Variants in ZC3H14 observed in about 807,000 individuals in gnomAD.
The protein encoded by ZC3H14 is zinc finger CCCH domain-containing protein 14.
In ZC3H14, 31 loss-of-function variants were observed where a neutral mutation model predicts 92.4. The ratio of observed to expected loss-of-function variants is 0.34; its 90% CI spans 0.25 to 0.45. The LOEUF (loss-of-function observed/expected upper bound fraction) is 0.45. Among genes scored for constraint, ZC3H14 ranks in the 20% least tolerant of loss-of-function variants. The pLI is 1.00. For synonymous variants in ZC3H14, 321 were observed against 300.9 expected (o/e 1.07, Z -0.69); for missense variants, 781 against 897.3 (o/e 0.87, Z 1.66).
intron 9 of ZC3H14, chr14:88,586,814 G>A (rs1402289125): frequency 1.3e-5 from 2 of 152,038 alleles, no homozygotes; most frequent in Non-Finnish European, 2.9e-5. Context: ...TAATCAAATA[G>A]TATAAAAAAG....
intron 15 of ZC3H14, 22 bp downstream of exon 15, chr14:88,609,825 A>C (rs2086247810): frequency 1.2e-6 from 2 of 1,608,582 alleles, no homozygotes; most frequent in Non-Finnish European, 1.7e-6. Context: ...TATTTTCTCA[A>C]ATCAATTTAG....
rs1477800852 is a variant in ZC3H14, at chr14:88,613,305, T to C, written c.*1554T>C. ...GGTTTACTCCATTGAATTTAAGGCA[T>C]TTGTTCATTCCAGTGTTGAGATGCT... On this transcript the variant is annotated 3_prime_UTR_variant, in exon 17 of 17. Transcript: ENST00000251038. The C allele has an allele frequency of 1.3e-5, 2 of 152,174 alleles. No individual in the cohort carries two copies. The highest frequency in any genetic ancestry group is 2.9e-5 in the Non-Finnish European group (2 of 68,030). The allele number at this position is 152,174 out of a possible 1,614,324, so 9.4% of individuals were successfully genotyped here.
Position 88,612,126 on chromosome 14 carries a change from G to A in ZC3H14, c.*375G>A, listed in dbSNP as rs2086880136. ...GTTGCTGTGTGAGTGGAGAGATGCA[G>A]TGAGGCAGTTGTCATTATTCTAAAA... is the stretch of plus-strand genomic sequence containing the variant. On this transcript the variant is annotated 3_prime_UTR_variant, in exon 17 of 17. Transcript: ENST00000251038. 9.2e-6 allele frequency: 2 copies of A among 216,978 alleles called. No homozygotes were observed. The highest frequency in any genetic ancestry group is 1.1e-4 in the Admixed American group (2 of 18,864). The allele number at this position is 216,978 out of a possible 1,614,324, so 13.4% of individuals were successfully genotyped here. A position where few individuals can be genotyped will look rare whatever the true frequency, so the allele number is the denominator to read the frequency against.
chr14:88,610,713 A>G, intron 15 of ZC3H14, 121 bp from the exon 16 acceptor site: 2 of 925,366 alleles, frequency 2.2e-6, no homozygotes, highest in African/African-American at 1.6e-5. Context: ...CTGAGGCAAG[A>G]GGTCATGCCA....
chr14:88,588,310 C>T (rs909941364), intron 9 of ZC3H14, among the ~76,000 whole-genome samples: 1 of 152,064 alleles, frequency 6.6e-6, no homozygotes, highest in Admixed American at 6.5e-5. Context: ...TGCATTTCTC[C>T]GTTTTGTAAT....
intron 13 of ZC3H14, among the ~76,000 whole-genome samples, chr14:88,607,615 T>TCC (rs2085679768): frequency 1.3e-5 from 1 of 77,940 alleles, no homozygotes; most frequent in Non-Finnish European, 2.5e-5. Flanking sequence ...GTAACTACCA[T>TCC]CCCATCTCAC....
intron 9 of ZC3H14, chr14:88,594,698 A>G: frequency 6.2e-7 from 1 of 1,613,700 alleles, no homozygotes; most frequent in Non-Finnish European, 8.5e-7. Context: ...GAATTTTATG[A>G]AAATGTCTTT....
At position 88,615,762 on chromosome 14, in the gene ZC3H14, TTTC is replaced by T; in HGVS notation, c.*4016_*4018del. On this transcript the variant is annotated 3_prime_UTR_variant, in exon 17 of 17. Coordinates refer to ENST00000251038, the MANE Select transcript of ZC3H14 (RefSeq NM_024824.5). ...GACCATGCAGGGTTGGGTTTTGGTTTTTCTTCTCTGTAATTCTGGTCTCAAAGT... is the reference window on the plus strand; with the variant it reads ...GACCATGCAGGGTTGGGTTTTGGTTTTTCTCTGTAATTCTGGTCTCAAAGT... 1 of 1,575,622 alleles carries T rather than the reference TTTC, an allele frequency of 6.3e-7. No individual in the cohort carries two copies. The highest frequency in any genetic ancestry group is 1.2e-5 in the South Asian group (1 of 84,908).
intron 13 of ZC3H14, 52 bp from the exon 14 acceptor site, chr14:88,609,212 CTAA>C: frequency 6.2e-7 from 1 of 1,609,918 alleles, no homozygotes; most frequent in South Asian, 1.1e-5. Flanking sequence ...ATACACAGAA[CTAA>C]TAATGCATTG....
rs752502074 is a variant in ZC3H14 at position 88,610,955 on chromosome 14, TC to T, written c.2204+16del. 6.4e-7 allele frequency: 1 copy of T among 1,568,826 alleles called. No homozygotes were observed. Among genetic ancestry groups the T allele is most frequent in the Admixed American group, 1.7e-5 (1 of 59,446 alleles). On this transcript the variant is annotated intron_variant, in intron 16 of 16. Coordinates refer to ENST00000251038, the MANE Select transcript of ZC3H14 (RefSeq NM_024824.5). ...CCTCAAACCAGGTAAACATTCAAAT[TC>T]GTTTTTCTCATGTCAGTTCAAATTC...
Position 88,572,989 on chromosome 14 carries a change from G to A in ZC3H14, c.843G>A (p.Ser281=), listed in dbSNP as rs1473309082. The A allele has an allele frequency of 8.7e-6, 14 of 1,613,966 alleles. No individual in the cohort carries two copies. Among genetic ancestry groups the A allele is most frequent in the East Asian group, 2.2e-5 (1 of 44,874 alleles). Residue 281 remains serine (S), a synonymous_variant, in exon 6 of 17, where the codon TCG becomes TCA. Transcript: ENST00000251038. ...ETYSPFFRNN[S]EKMSMEDENF... is the part of the protein sequence containing the mutation. ...ATAGTCCGTTCTTTAGAAACAACTC[G>A]GAGAAAATGAGTATGGAGGTTTGTA... is the stretch of plus-strand genomic sequence containing the variant.
Position 88,618,944 on chromosome 14 carries a change from A to T in ZC3H14, c.*7193A>T. 1 of 786,518 alleles carries T rather than the reference A, an allele frequency of 1.3e-6. No individual in the cohort carries two copies. The highest frequency in any genetic ancestry group is 2.7e-5 in the East Asian group (1 of 36,624). The allele number at this position is 786,518 out of a possible 1,614,324, so 48.7% of individuals were successfully genotyped here. A position where few individuals can be genotyped will look rare whatever the true frequency, so the allele number is the denominator to read the frequency against. On this transcript the variant is annotated 3_prime_UTR_variant, in exon 17 of 17. Transcript: ENST00000251038. ...CCTCAAATAGATTTACCTGTCAGAC[A>T]CAACTGATCATGTATACTGAGATTG...
intron 9 of ZC3H14, chr14:88,594,864 A>G: frequency 6.2e-7 from 1 of 1,614,104 alleles, no homozygotes; most frequent in East Asian, 2.2e-5. Flanking sequence ...TAAGGAAAAT[A>G]TCAGCTGATA....
rs201459924 is a variant in ZC3H14, at chr14:88,575,837, T to A, written c.1023-3T>A. On this transcript the variant is annotated splice_region_variant and splice_polypyrimidine_tract_variant and intron_variant, in intron 7 of 16. Transcript: ENST00000251038. ...ATAAAAATACCTTTCTTAACTCTTTTAGACCTTCTCTTCCACCTTCTAAAC... is the reference window on the plus strand; with the variant it reads ...ATAAAAATACCTTTCTTAACTCTTTAAGACCTTCTCTTCCACCTTCTAAAC... 1.9e-6 allele frequency: 3 copies of A among 1,611,342 alleles called. No individual in the cohort carries two copies. The highest frequency in any genetic ancestry group is 2.5e-6 in the Non-Finnish European group (3 of 1,177,774).
In ZC3H14 at chr14:88,615,926, A is replaced by G. The variant is rs759457182; in HGVS notation, c.*4175A>G. 281 of 1,525,288 alleles carry G rather than the reference A, an allele frequency of 1.8e-4. No individual in the cohort carries two copies. The highest frequency in any genetic ancestry group is 2.3e-4 in the Non-Finnish European group (259 of 1,121,954). 94.5% of individuals were successfully genotyped at this position (1,525,288 alleles called of 1,614,324 possible). On this transcript the variant is annotated 3_prime_UTR_variant, in exon 17 of 17. Transcript: ENST00000251038. Reference sequence around the variant, plus strand: ...TTTTCATAACAGTTTAATATTTTTCAGTTGTGCTTTCAGGTTACATGTGTA... The same window carrying G: ...TTTTCATAACAGTTTAATATTTTTCGGTTGTGCTTTCAGGTTACATGTGTA...
In ZC3H14 at chr14:88,613,641, C is replaced by T. The variant is rs984461463; in HGVS notation, c.*1890C>T. On this transcript the variant is annotated 3_prime_UTR_variant, in exon 17 of 17. Transcript: ENST00000251038. Reference sequence around the variant, plus strand: ...TGGATGACGTGGTTTAAAATGATCACCACAAAAAGGGACCACAAAAAAAGG... The same window carrying T: ...TGGATGACGTGGTTTAAAATGATCATCACAAAAAGGGACCACAAAAAAAGG... 1.3e-5 allele frequency: 2 copies of T among 151,876 alleles called. No homozygotes were observed. The highest frequency in any genetic ancestry group is 2.9e-5 in the Non-Finnish European group (2 of 67,988). The allele number at this position is 151,876 out of a possible 1,614,324, so 9.4% of individuals were successfully genotyped here. A position where few individuals can be genotyped will look rare whatever the true frequency, so the allele number is the denominator to read the frequency against.
chr14:88,586,767 A>G (rs1462741613), intron 9 of ZC3H14: 3 of 152,236 alleles, frequency 2.0e-5, no homozygotes, highest in African/African-American at 7.2e-5. Flanking sequence ...GGAAAAAGAA[A>G]GCATATCAAT....
At chr14:88,595,631 C>T (rs1025808641) in intron 9 of ZC3H14, among the ~76,000 whole-genome samples, 6 of 152,082 alleles carry the variant, frequency 3.9e-5, no homozygotes, top group African/African-American at 1.2e-4. Flanking sequence ...TTTTGGGACG[C>T]ACCAGTAAAA....
At chr14:88,594,340 T>C in intron 9 of ZC3H14, 1 of 976,000 alleles carries the variant, frequency 1.0e-6, no homozygotes, top group African/African-American at 1.8e-5. Context: ...AAATTCTTTG[T>C]GTGACACATG....
Sources: gnomAD v4.1 joint callset for allele counts (sites outside exome capture counted in the v4.1 genomes callset) on GRCh38, gnomAD v4.1.1 for gene constraint, MANE v1.5 for transcripts, NCBI Gene and HGNC (gene_info 2026-07-23, HGNC 2026-07-21) for gene names.